The following GIPC2 variants were observed in gnomAD, a reference collection of about 807,000 sequenced individuals.
GIPC2 encodes the protein GIPC PDZ domain containing family member 2, also known as PDZ domain-containing protein GIPC2.
In GIPC2, 30 loss-of-function variants were observed where a neutral mutation model predicts 30.6. That is an observed-to-expected ratio of 0.98 (90% confidence interval 0.73 to 1.33). The LOEUF (loss-of-function observed/expected upper bound fraction) is 1.33, where lower values mean the gene tolerates loss of function less well. Among genes scored for constraint, GIPC2 ranks in the 40% most tolerant of loss-of-function variants. The pLI is 0.00. For missense variants in GIPC2, 414 were observed against 390.3 expected (o/e 1.06, Z -0.51); for synonymous variants, 167 against 150.0 (o/e 1.11, Z -0.83).
chr1:78,091,531 C>T, intron 2 of GIPC2: 1 of 746,422 alleles, frequency 1.3e-6, no homozygotes, highest in South Asian at 1.4e-5. Context: ...AACAGCCGTC[C>T]GAGGAGGACC....
intron 2 of GIPC2, chr1:78,091,540 C>T: frequency 1.3e-6 from 1 of 752,852 alleles, no homozygotes; most frequent in Non-Finnish European, 2.5e-6. Flanking sequence ...CCGAGGAGGA[C>T]CTGCTCCTGC....
At chr1:78,119,790 G>A (rs903223032) in intron 4 of GIPC2, among the ~76,000 whole-genome samples, 4 of 152,150 alleles carry the variant, frequency 2.6e-5, no homozygotes, top group Non-Finnish European at 5.9e-5. Context: ...ATGTTTCAGA[G>A]CCACCTGTAG....
chr1:78,063,516 C>T (rs1219277658), intron 1 of GIPC2, among the ~76,000 whole-genome samples: 1 of 148,534 alleles, frequency 6.7e-6, no homozygotes, highest in Non-Finnish European at 1.5e-5. Context: ...AAAAAAAAAC[C>T]AAAACAAAAA....
intron 3 of GIPC2, among the ~76,000 whole-genome samples, chr1:78,097,277 T>C (rs1229295935): frequency 6.6e-6 from 1 of 152,208 alleles, no homozygotes; most frequent in Non-Finnish European, 1.5e-5. Context: ...TTCATGATTG[T>C]CTGATTCTCT....
chr1:78,053,932 CAA>C (rs758825891), intron 1 of GIPC2, among the ~76,000 whole-genome samples: 76 of 151,986 alleles, frequency 5.0e-4, no homozygotes, highest in Non-Finnish European at 8.4e-4. Flanking sequence ...TCTAAACAAA[CAA>C]AAACCTGCAA....
At chr1:78,118,066 G>A (rs1461023333) in intron 3 of GIPC2, among the ~76,000 whole-genome samples, 1 of 151,720 alleles carries the variant, frequency 6.6e-6, no homozygotes, top group Non-Finnish European at 1.5e-5. Context: ...GAGACTACAG[G>A]TGCGTGCCAC....
chr1:78,070,804 T>C (rs1661604046), intron 1 of GIPC2, among the ~76,000 whole-genome samples: 1 of 152,154 alleles, frequency 6.6e-6, no homozygotes, highest in African/African-American at 2.4e-5. Flanking sequence ...AGAATTCTTA[T>C]TTGTCATATT....
chr1:78,046,530 G>A (rs1661090682), intron 1 of GIPC2, among the ~76,000 whole-genome samples, 196 bp downstream of exon 1: 1 of 152,202 alleles, frequency 6.6e-6, no homozygotes, highest in Admixed American at 6.5e-5. Flanking sequence ...TGGCAGGACC[G>A]CAGAAAGTCA....
At chr1:78,045,898 G>C, upstream of GIPC2, 4 of 1,343,988 alleles carry the variant, frequency 3.0e-6, no homozygotes, top group Non-Finnish European at 3.8e-6. Flanking sequence ...CCATCCCGGG[G>C]GAGGCTGGGC....
At chr1:78,131,179 T>C (rs1256212114) in intron 5 of GIPC2, among the ~76,000 whole-genome samples, 1 of 152,076 alleles carries the variant, frequency 6.6e-6, no homozygotes, top group Non-Finnish European at 1.5e-5. Context: ...CTAAACATTA[T>C]ACTGTAAGAA....
intron 2 of GIPC2, among the ~76,000 whole-genome samples, chr1:78,085,897 G>GTTTT (rs35412467): frequency 2.4e-4 from 29 of 120,264 alleles, no homozygotes; most frequent in Admixed American, 3.5e-4. Flanking sequence ...TCTTTTGAAT[G>GTTTT]TTTTTTTTTT....
At chr1:78,072,007 C>T (rs1055842836) in intron 1 of GIPC2, among the ~76,000 whole-genome samples, 6 of 152,102 alleles carry the variant, frequency 3.9e-5, no homozygotes, top group African/African-American at 7.2e-5. Flanking sequence ...GAGGCATTGC[C>T]GGGAAAACAC....
At chr1:78,053,768 C>CAAACAA (rs1661239635) in intron 1 of GIPC2, among the ~76,000 whole-genome samples, 1 of 127,974 alleles carries the variant, frequency 7.8e-6, no homozygotes, top group Non-Finnish European at 1.6e-5. Context: ...AAAAAAAAGC[C>CAAACAA]AAAAAAAAAA....
At chr1:78,129,945 T>C (rs1342783101) in intron 5 of GIPC2, among the ~76,000 whole-genome samples, 1 of 151,454 alleles carries the variant, frequency 6.6e-6, no homozygotes, top group African/African-American at 2.4e-5. Context: ...TGTTTCAAAG[T>C]CATTTATTCT....
intron 3 of GIPC2, among the ~76,000 whole-genome samples, chr1:78,100,887 G>A (rs1356034098): frequency 6.9e-5 from 10 of 145,236 alleles, no homozygotes; most frequent in African/African-American, 2.3e-4. Flanking sequence ...CTGAGATCAC[G>A]CCACTGCACT....
chr1:78,129,371 T>G (rs183376864), intron 5 of GIPC2, among the ~76,000 whole-genome samples: 6 of 152,374 alleles, frequency 3.9e-5, no homozygotes, highest in Non-Finnish European at 8.8e-5. Flanking sequence ...TGTATAAATA[T>G]TCTCAGTATT....
At chr1:78,095,165 A>C (rs1352629551) in intron 3 of GIPC2, 33 bp downstream of exon 3, 10 of 1,482,838 alleles carry the variant, frequency 6.7e-6, no homozygotes, top group Non-Finnish European at 9.4e-6. Context: ...GGTGTGTGAA[A>C]TGTTTGCTTT....
At chr1:78,109,573 AC>A (rs1363306316) in intron 3 of GIPC2, among the ~76,000 whole-genome samples, 15 of 152,200 alleles carry the variant, frequency 9.9e-5, no homozygotes, top group Admixed American at 2.0e-4. Flanking sequence ...TAATAATCAT[AC>A]CTATCTCATA....
At chr1:78,077,058 G>A (rs1385095096) in intron 1 of GIPC2, among the ~76,000 whole-genome samples, 4 of 152,066 alleles carry the variant, frequency 2.6e-5, no homozygotes, top group Admixed American at 6.6e-5. Flanking sequence ...GGGATTACAG[G>A]TGTGAGTCAC....
Sources: gnomAD v4.1 joint callset for allele counts (sites outside exome capture counted in the v4.1 genomes callset) on GRCh38, gnomAD v4.1.1 for gene constraint, MANE v1.5 for transcripts, NCBI Gene and HGNC (gene_info 2026-07-23, HGNC 2026-07-21) for gene names.